GAREM1: variants seen among roughly 807,000 people sequenced by gnomAD.
GAREM1 encodes GRB2 associated regulator of MAPK1 subtype 1.
GAREM1 carries 26 observed loss-of-function variants against 71.3 expected under a neutral mutation model. The observed-to-expected ratio is 0.36, with a 90% CI of 0.27 to 0.51. The LOEUF is 0.51. Ranked by LOEUF, GAREM1 falls within the 20% of genes least tolerant of loss-of-function variation. The probability of loss-of-function intolerance (pLI) is 0.95; values close to 1 mark genes in which losing one functional copy is unlikely to be tolerated. For missense variants in GAREM1, 1,026 were observed against 1,103.1 expected, an observed-to-expected ratio of 0.93 and a Z score of 0.99; for synonymous variants, 440 against 433.2, an observed-to-expected ratio of 1.02 and a Z score of -0.20.
At chr18:32,317,687 G>T in intron 2 of GAREM1, among the ~76,000 whole-genome samples, 1 of 146,668 alleles carries the variant, frequency 6.8e-6, no homozygotes. Flanking sequence ...CTTTTATTTC[G>T]CTGTTGCTTT....
intron 2 of GAREM1, among the ~76,000 whole-genome samples, chr18:32,361,759 C>T (rs975137240): frequency 2.6e-5 from 4 of 152,070 alleles, no homozygotes; most frequent in African/African-American, 7.2e-5. Context: ...ATAAAATGTA[C>T]GATGTTTACC....
chr18:32,396,632 G>A (rs1193016430), intron 1 of GAREM1, among the ~76,000 whole-genome samples: 1 of 152,188 alleles, frequency 6.6e-6, no homozygotes, highest in Non-Finnish European at 1.5e-5. Flanking sequence ...AACGAACAAA[G>A]CCTCCAAGAA....
At chr18:32,439,933 T>A (rs1250439433) in intron 1 of GAREM1, among the ~76,000 whole-genome samples, 1 of 152,050 alleles carries the variant, frequency 6.6e-6, no homozygotes, top group Non-Finnish European at 1.5e-5. Context: ...CCATTCCTCA[T>A]CCCCCAGTCC....
rs993404611 is a variant in GAREM1 at position 32,312,899 on chromosome 18, T to C, written c.263-2576A>G. 3.9e-5 allele frequency among the ~76,000 whole-genome samples: 6 copies of C among 152,150 alleles called. No homozygotes were observed. The South Asian group carries it at 6.2e-4, about 16-fold the overall frequency. ...AGTGGAAGCTGTTGGAAGCTTCCAA[T>C]TTTTCCAGCCAAAGTTGGAAGGAAG... On this transcript the variant is annotated intron_variant, in intron 2 of 5. Coordinates refer to ENST00000269209, the MANE Select transcript of GAREM1 (RefSeq NM_001242409.2).
At chr18:32,270,413 C>G in intron 4 of GAREM1, 30 bp from the exon 5 acceptor site, 3 of 1,579,436 alleles carry the variant, frequency 1.9e-6, no homozygotes, top group Non-Finnish European at 2.6e-6. Context: ...TCCAGGTTAG[C>G]AACAGACTGA....
Position 32,268,772 on chromosome 18 carries a change from A to G in GAREM1, c.1734-4T>C, listed in dbSNP as rs1265494372. ...TGTGTCAGTTTTAGTGACGCTGCTT[A>G]AAAGCAAACACAGAAGGAGAAATCA... On this transcript the variant is annotated splice_polypyrimidine_tract_variant and splice_region_variant and intron_variant, in intron 5 of 5. Transcript: ENST00000269209. The G allele has an allele frequency of 1.2e-6, 2 of 1,610,138 alleles. No individual in the cohort carries two copies. The highest frequency in any genetic ancestry group is 1.7e-6 in the Non-Finnish European group (2 of 1,177,506).
In GAREM1 at chr18:32,384,588, C is replaced by T. The variant is rs374933373; in HGVS notation, c.262+8307G>A. On this transcript the variant is annotated intron_variant, in intron 2 of 5. Transcript: ENST00000269209. Reference sequence around the variant, plus strand: ...TCTATTTTTTATGTCCACTTTTGCTCGAGCATTTTATAATCACATTTCACC... The same window carrying T: ...TCTATTTTTTATGTCCACTTTTGCTTGAGCATTTTATAATCACATTTCACC... 4.6e-5 allele frequency among the ~76,000 whole-genome samples: 7 copies of T among 152,242 alleles called. No homozygotes were observed. The South Asian group carries it at 6.2e-4, about 14-fold the overall frequency.
At chr18:32,310,472 G>T in intron 2 of GAREM1, 149 bp from the exon 3 acceptor site, 1 of 642,200 alleles carries the variant, frequency 1.6e-6, no homozygotes, top group Non-Finnish European at 2.5e-6. Flanking sequence ...ATTATGGGAG[G>T]TTCCATTAAA....
intron 2 of GAREM1, among the ~76,000 whole-genome samples, chr18:32,322,964 G>GC (rs2047443955): frequency 6.6e-6 from 1 of 152,210 alleles, no homozygotes; most frequent in Admixed American, 6.5e-5. Context: ...TTTCTTTGAA[G>GC]AGTAGGTGTT....
chr18:32,269,600 C>T (rs2144412825), intron 5 of GAREM1, among the ~76,000 whole-genome samples: 1 of 152,166 alleles, frequency 6.6e-6, no homozygotes, highest in Non-Finnish European at 1.5e-5. Flanking sequence ...ATTTTTGTTT[C>T]TTTAGACCTA....
chr18:32,424,586 C>T lies in GAREM1; in HGVS notation c.122-31551G>A, dbSNP rs983435163. ...ACCAACAAGGCAAAAAACCAAACAA[C>T]AAAAAAAACTGGATTCTGAAATAGC... On this transcript the variant is annotated intron_variant, in intron 1 of 5. Transcript: ENST00000269209. Among the ~76,000 whole-genome samples, 4 of 151,466 alleles carry T rather than the reference C, an allele frequency of 2.6e-5. No homozygotes were observed. In the East Asian group the frequency reaches 7.7e-4, roughly 29 times the overall value.
chr18:32,323,404 A>G (rs1005252648), intron 2 of GAREM1, among the ~76,000 whole-genome samples: 1 of 152,228 alleles, frequency 6.6e-6, no homozygotes, highest in Non-Finnish European at 1.5e-5. Flanking sequence ...AGCTTTTAGC[A>G]TAAGCATTAT....
At chr18:32,376,194 C>T (rs922833300) in intron 2 of GAREM1, among the ~76,000 whole-genome samples, 7 of 152,124 alleles carry the variant, frequency 4.6e-5, no homozygotes. Context: ...GTTTTACATG[C>T]CAGTAAAGAA....
At chr18:32,319,808 TAC>T (rs1264839153) in intron 2 of GAREM1, among the ~76,000 whole-genome samples, 2 of 152,354 alleles carry the variant, frequency 1.3e-5, no homozygotes, top group East Asian at 1.9e-4. Flanking sequence ...TTGCATTCTG[TAC>T]AGTTATTCCA....
intron 1 of GAREM1, among the ~76,000 whole-genome samples, chr18:32,443,852 A>G (rs1003766226): frequency 2.0e-5 from 3 of 152,198 alleles, no homozygotes; most frequent in Non-Finnish European, 2.9e-5. Flanking sequence ...GTAACAGCCC[A>G]AAGTGGAAAC....
chr18:32,456,131 T>C (rs1488772384), intron 1 of GAREM1, among the ~76,000 whole-genome samples: 2 of 152,160 alleles, frequency 1.3e-5, no homozygotes, highest in East Asian at 3.9e-4. Context: ...CTTCTCTGTA[T>C]ATGTGAAAAT....
chr18:32,431,878 C>A lies in GAREM1; in HGVS notation c.121+38430G>T, dbSNP rs187882637. On this transcript the variant is annotated intron_variant, in intron 1 of 5. Coordinates refer to ENST00000269209, the MANE Select transcript of GAREM1 (RefSeq NM_001242409.2). ...TGACTGTTGATTTTTCATCAAAAATCAAAAATCATGGAGGTCAAAAGGAAC... is the reference window on the plus strand; with the variant it reads ...TGACTGTTGATTTTTCATCAAAAATAAAAAATCATGGAGGTCAAAAGGAAC... Among the ~76,000 whole-genome samples the A allele has an allele frequency of 7.5e-4, 114 of 151,966 alleles. 1 individual carries two copies. The East Asian group carries it at 0.018, about 24-fold the overall frequency.
At chr18:32,416,864 C>T (rs1390091419) in intron 1 of GAREM1, among the ~76,000 whole-genome samples, 3 of 152,040 alleles carry the variant, frequency 2.0e-5, no homozygotes, top group Non-Finnish European at 4.4e-5. Context: ...CAAAAATGGA[C>T]AAATGGGGTC....
chr18:32,378,233 C>T (rs1262471602), intron 2 of GAREM1, among the ~76,000 whole-genome samples: 1 of 152,066 alleles, frequency 6.6e-6, no homozygotes, highest in Admixed American at 6.6e-5. Flanking sequence ...GGCATGGTGG[C>T]TCACGCCTAT....
Sources: gnomAD v4.1 joint callset for allele counts (sites outside exome capture counted in the v4.1 genomes callset) on GRCh38, gnomAD v4.1.1 for gene constraint, MANE v1.5 for transcripts, NCBI Gene and HGNC (gene_info 2026-07-23, HGNC 2026-07-21) for gene names.